Variants in EPHA6 observed in about 807,000 individuals in gnomAD.
EPHA6 encodes the protein ephrin type-A receptor 6.
A neutral mutation model predicts 112.0 loss-of-function variants in EPHA6; 50 were observed. That is an observed-to-expected ratio of 0.45 (90% CI 0.36 to 0.56). The LOEUF (loss-of-function observed/expected upper bound fraction) is 0.56. Among genes scored for constraint, EPHA6 ranks in the 20% least tolerant of loss-of-function variants. The pLI is 0.00. For missense variants in EPHA6, 1,280 were observed against 1,417.4 expected (o/e 0.90, Z 1.56); for synonymous variants, 529 against 490.7 (o/e 1.08, Z -1.03).
chr3:96,995,675 A>G (rs1382543416), intron 3 of EPHA6, among the ~76,000 whole-genome samples: 3 of 152,184 alleles, frequency 2.0e-5, no homozygotes, highest in South Asian at 2.1e-4. Flanking sequence ...TATAAAAGTT[A>G]TATTTACACT....
chr3:97,434,705 A>G (rs957866041), intron 6 of EPHA6, among the ~76,000 whole-genome samples: 1 of 152,098 alleles, frequency 6.6e-6, no homozygotes, highest in Non-Finnish European at 1.5e-5. Flanking sequence ...TAAATATTGT[A>G]TCTCTTGAAT....
chr3:97,106,324 T>TC (rs2047566688), intron 3 of EPHA6, among the ~76,000 whole-genome samples: 1 of 152,094 alleles, frequency 6.6e-6, no homozygotes, highest in African/African-American at 2.4e-5. Context: ...ACTTTTTTTT[T>TC]CTATGGTTTC....
At chr3:97,234,687 T>A (rs767121964) in intron 4 of EPHA6, among the ~76,000 whole-genome samples, 20 of 152,152 alleles carry the variant, frequency 1.3e-4, no homozygotes, top group Admixed American at 1.3e-3. Flanking sequence ...CATTGATGAT[T>A]CTTCTTCTTT....
At chr3:96,952,960 G>A (rs1207273811) in intron 2 of EPHA6, among the ~76,000 whole-genome samples, 3 of 152,044 alleles carry the variant, frequency 2.0e-5, no homozygotes, top group Non-Finnish European at 2.9e-5. Context: ...ACAAACCCCC[G>A]TGACACGAGT....
At chr3:97,159,799 A>G (rs939343510) in intron 3 of EPHA6, among the ~76,000 whole-genome samples, 2 of 152,128 alleles carry the variant, frequency 1.3e-5, no homozygotes, top group African/African-American at 4.8e-5. Context: ...GTAGAACACT[A>G]TGATGGTGGA....
At chr3:97,397,365 C>T (rs2086752331) in intron 5 of EPHA6, among the ~76,000 whole-genome samples, 1 of 151,514 alleles carries the variant, frequency 6.6e-6, no homozygotes, top group Non-Finnish European at 1.5e-5. Flanking sequence ...GTGTTACCAC[C>T]ATATGTCAGA....
intron 5 of EPHA6, among the ~76,000 whole-genome samples, chr3:97,302,393 T>C (rs1197257883): frequency 6.6e-6 from 1 of 151,810 alleles, no homozygotes; most frequent in African/African-American, 2.4e-5. Flanking sequence ...CCACTGTATA[T>C]TATTTTTGTC....
chr3:97,480,222 T>C (rs2091490733), intron 9 of EPHA6, among the ~76,000 whole-genome samples: 1 of 151,910 alleles, frequency 6.6e-6, no homozygotes, highest in African/African-American at 2.4e-5. Flanking sequence ...TTTTTCTTTC[T>C]TTTTATTTAT....
intron 3 of EPHA6, among the ~76,000 whole-genome samples, chr3:96,997,324 A>G (rs1434291166): frequency 4.6e-5 from 7 of 152,028 alleles, no homozygotes; most frequent in Non-Finnish European, 1.0e-4. Flanking sequence ...TGTTATTTGC[A>G]ATCACAACTT....
chr3:97,046,305 C>T (rs1312142816), intron 3 of EPHA6, among the ~76,000 whole-genome samples: 1 of 151,940 alleles, frequency 6.6e-6, no homozygotes, highest in African/African-American at 2.4e-5. Context: ...ATCACCTTAG[C>T]CAATTAAAGG....
chr3:97,194,186 T>C (rs987434709), intron 3 of EPHA6, among the ~76,000 whole-genome samples: 30 of 152,004 alleles, frequency 2.0e-4, no homozygotes, highest in African/African-American at 3.6e-4. Flanking sequence ...TTCTACTTTT[T>C]TTGATGCAGG....
At chr3:97,342,614 A>T (rs1363347840) in intron 5 of EPHA6, among the ~76,000 whole-genome samples, 1 of 152,212 alleles carries the variant, frequency 6.6e-6, no homozygotes, top group East Asian at 1.9e-4. Context: ...TAGTATTTCC[A>T]GATGGAGCAT....
chr3:96,944,903 G>A (rs2041172637), intron 2 of EPHA6, among the ~76,000 whole-genome samples: 1 of 152,172 alleles, frequency 6.6e-6, no homozygotes, highest in African/African-American at 2.4e-5. Context: ...TCGTGCCACT[G>A]CACTCCAGCC....
At chr3:97,246,263 A>G (rs1311662496) in intron 5 of EPHA6, among the ~76,000 whole-genome samples, 1 of 151,974 alleles carries the variant, frequency 6.6e-6, no homozygotes, top group East Asian at 1.9e-4. Flanking sequence ...AGCTACAGGG[A>G]AAAAAATTTA....
chr3:96,902,708 A>G (rs1214601242), intron 2 of EPHA6, among the ~76,000 whole-genome samples: 1 of 152,184 alleles, frequency 6.6e-6, no homozygotes, highest in Non-Finnish European at 1.5e-5. Context: ...TTCTGTTGCC[A>G]GAGCCAGAAG....
chr3:96,936,978 A>T (rs1399392907), intron 2 of EPHA6, among the ~76,000 whole-genome samples: 1 of 152,140 alleles, frequency 6.6e-6, no homozygotes, highest in Non-Finnish European at 1.5e-5. Flanking sequence ...CATGGTGTAT[A>T]TGTGCCACAT....
At chr3:97,002,905 T>C (rs1348118332) in intron 3 of EPHA6, among the ~76,000 whole-genome samples, 1 of 152,144 alleles carries the variant, frequency 6.6e-6, no homozygotes, top group Non-Finnish European at 1.5e-5. Flanking sequence ...CTTCCAAAGA[T>C]AAATATTCAT....
chr3:97,038,658 C>T (rs897262994), intron 3 of EPHA6, among the ~76,000 whole-genome samples: 10 of 152,040 alleles, frequency 6.6e-5, no homozygotes, highest in Non-Finnish European at 8.8e-5. Context: ...TGGCTGTCCT[C>T]GGGAATATTT....
intron 13 of EPHA6, among the ~76,000 whole-genome samples, chr3:97,627,255 A>G (rs2093865531): frequency 6.6e-6 from 1 of 151,932 alleles, no homozygotes; most frequent in African/African-American, 2.4e-5. Flanking sequence ...GCAAAAGAGA[A>G]TTAAAAAATT....
Sources: gnomAD v4.1 joint callset for allele counts (sites outside exome capture counted in the v4.1 genomes callset) on GRCh38, gnomAD v4.1.1 for gene constraint, MANE v1.5 for transcripts, NCBI Gene and HGNC (gene_info 2026-07-23, HGNC 2026-07-21) for gene names.